The following CAMK2A variants were observed in gnomAD, a reference collection of about 807,000 sequenced individuals.
CAMK2A encodes the protein calcium/calmodulin-dependent protein kinase type II subunit alpha.
A neutral mutation model predicts 79.2 loss-of-function variants in CAMK2A; 7 were observed. The ratio of observed to expected loss-of-function variants is 0.09; its 90% confidence interval spans 0.05 to 0.17. The LOEUF is 0.17. CAMK2A is among the 10% of genes least tolerant of loss of function. The probability of loss-of-function intolerance (pLI) is 1.00; values close to 1 mark genes in which losing one functional copy is unlikely to be tolerated. For missense variants in CAMK2A, 214 were observed against 646.4 expected, an observed-to-expected ratio of 0.33 and a Z score of 7.25; for synonymous variants, 242 against 251.7, an observed-to-expected ratio of 0.96 and a Z score of 0.36.
intron 13 of CAMK2A, among the ~76,000 whole-genome samples, chr5:150,241,980 G>C (rs1024683651): frequency 1.3e-5 from 2 of 152,188 alleles, no homozygotes; most frequent in Non-Finnish European, 2.9e-5. Context: ...GGCGGGACAC[G>C]AGGAGGAAAC....
chr5:150,224,252 G>A, intron 17 of CAMK2A, among the ~76,000 whole-genome samples: 1 of 152,190 alleles, frequency 6.6e-6, no homozygotes, highest in East Asian at 1.9e-4. Flanking sequence ...GGGTTGGACA[G>A]TGGTGATCTG....
chr5:150,237,516 C>T (rs972117538), intron 15 of CAMK2A, among the ~76,000 whole-genome samples: 3 of 152,174 alleles, frequency 2.0e-5, no homozygotes, highest in East Asian at 3.8e-4. Context: ...TCAGCAATCC[C>T]TGCCCCTTCC....
chr5:150,250,446 T>C (rs1331189218), intron 10 of CAMK2A, 137 bp from the exon 11 acceptor site: 2 of 823,864 alleles, frequency 2.4e-6, no homozygotes, highest in African/African-American at 1.7e-5. Flanking sequence ...CTCTAGGAGA[T>C]GCTTCAGGGT....
At chr5:150,243,330 C>T (rs981214524) in intron 13 of CAMK2A, among the ~76,000 whole-genome samples, 1 of 152,194 alleles carries the variant, frequency 6.6e-6, no homozygotes, top group Admixed American at 6.5e-5. Context: ...ACCAGGAAGT[C>T]TGCTTTCCCC....
At chr5:150,263,040 G>C (rs10040355) in intron 3 of CAMK2A, among the ~76,000 whole-genome samples, 1,832 of 152,244 alleles carry the variant, frequency 0.012, 44 homozygotes, top group African/African-American at 0.042. Flanking sequence ...TGGGGAAGAG[G>C]GGGGCAGCTT....
At chr5:150,287,163 AAC>A (rs1757457258) in intron 1 of CAMK2A, among the ~76,000 whole-genome samples, 1 of 152,176 alleles carries the variant, frequency 6.6e-6, no homozygotes, top group Non-Finnish European at 1.5e-5. Context: ...TGGACTTTTT[AAC>A]ACAGACATCA....
At chr5:150,232,956 G>A (rs559414606) in intron 15 of CAMK2A, among the ~76,000 whole-genome samples, 22 of 152,318 alleles carry the variant, frequency 1.4e-4, no homozygotes, top group South Asian at 4.1e-4. Context: ...CTGGCTCCTC[G>A]CCCAGGGCCT....
intron 3 of CAMK2A, 48 bp downstream of exon 3, chr5:150,264,908 G>A: frequency 2.0e-6 from 3 of 1,494,886 alleles, no homozygotes; most frequent in Non-Finnish European, 2.8e-6. Flanking sequence ...GGTGGGCAGG[G>A]GAGCAGGGCC....
intron 11 of CAMK2A, among the ~76,000 whole-genome samples, chr5:150,248,582 G>A (rs537208736): frequency 3.7e-4 from 55 of 147,842 alleles, no homozygotes; most frequent in African/African-American, 1.2e-3. Flanking sequence ...GAGAACATGC[G>A]CTGTTTGTTT....
intron 13 of CAMK2A, among the ~76,000 whole-genome samples, chr5:150,242,420 C>T (rs543339607): frequency 1.1e-4 from 17 of 152,314 alleles, no homozygotes; most frequent in African/African-American, 3.8e-4. Flanking sequence ...GATAATATAG[C>T]TTCACATCTC....
At chr5:150,272,857 C>T (rs1008782886) in intron 2 of CAMK2A, among the ~76,000 whole-genome samples, 5 of 151,380 alleles carry the variant, frequency 3.3e-5, no homozygotes, top group African/African-American at 9.7e-5. Flanking sequence ...CCTGTCTGGG[C>T]GAGTCTGTGC....
chr5:150,244,530 A>G (rs1169043380), intron 13 of CAMK2A, among the ~76,000 whole-genome samples: 2 of 152,200 alleles, frequency 1.3e-5, no homozygotes, highest in African/African-American at 4.8e-5. Flanking sequence ...GAGGGAGAAG[A>G]GAGAAGAGAC....
chr5:150,225,751 TATTA>T (rs1754571397), intron 17 of CAMK2A, among the ~76,000 whole-genome samples: 1 of 41,434 alleles, frequency 2.4e-5, no homozygotes, highest in African/African-American at 4.4e-5. Context: ...TTATTATTAT[TATTA>T]TTTTTTTTAG....
chr5:150,251,488 T>C (rs1755831583), intron 9 of CAMK2A, among the ~76,000 whole-genome samples: 1 of 152,224 alleles, frequency 6.6e-6, no homozygotes, highest in Non-Finnish European at 1.5e-5. Context: ...ATTATTTGTA[T>C]ATATGAGAGA....
chr5:150,252,772 A>G (rs984804352), intron 7 of CAMK2A, among the ~76,000 whole-genome samples: 3 of 151,988 alleles, frequency 2.0e-5, no homozygotes, highest in Non-Finnish European at 4.4e-5. Flanking sequence ...TTCTGACACC[A>G]CTCCTGAGGG....
chr5:150,256,765 C>T lies in CAMK2A; in HGVS notation c.338+1G>A, dbSNP rs1262801826. ...ATTGCCAGGCAGCACCTGACACTCA[C>T]CTGGCATCCGCCTCACTGTAATACT... On this transcript the variant is annotated splice_donor_variant, in intron 5 of 18. Coordinates refer to ENST00000671881, the MANE Select transcript of CAMK2A (RefSeq NM_015981.4). LOFTEE classifies it high-confidence loss of function. This position sits in a 1 kb window ranked among gnomAD's most constrained non-coding sequence, Gnocchi z 4.6. 6.2e-7 allele frequency: 1 copy of T among 1,613,928 alleles called. No homozygotes were observed. The highest frequency in any genetic ancestry group is 8.5e-7 in the Non-Finnish European group (1 of 1,179,834).
chr5:150,279,674 G>A (rs1757128593), intron 1 of CAMK2A, among the ~76,000 whole-genome samples: 1 of 152,184 alleles, frequency 6.6e-6, no homozygotes, highest in Admixed American at 6.5e-5. Flanking sequence ...GTAAAGAAGG[G>A]GCTGCTCACC....
At chr5:150,237,112 C>T (rs889319235) in intron 15 of CAMK2A, among the ~76,000 whole-genome samples, 1 of 152,110 alleles carries the variant, frequency 6.6e-6, no homozygotes, top group African/African-American at 2.4e-5. Context: ...GAGTACCCAC[C>T]ACCGCCCAGG....
chr5:150,277,043 A>T (rs1756979234), intron 1 of CAMK2A, among the ~76,000 whole-genome samples: 1 of 152,168 alleles, frequency 6.6e-6, no homozygotes, highest in South Asian at 2.1e-4. Context: ...CAGCCTGGGC[A>T]ACATGGCGAA....
Sources: gnomAD v4.1 joint callset for allele counts (sites outside exome capture counted in the v4.1 genomes callset) on GRCh38, gnomAD v4.1.1 for gene constraint, Gnocchi (gnomAD v3.1) non-coding constraint, MANE v1.5 for transcripts, NCBI Gene and HGNC (gene_info 2026-07-23, HGNC 2026-07-21) for gene names.